The following PTPRM variants were observed in gnomAD, a reference collection of about 807,000 sequenced individuals.
PTPRM encodes receptor-type tyrosine-protein phosphatase mu.
A neutral mutation model predicts 186.7 loss-of-function variants in PTPRM; 47 were observed. That is an observed-to-expected ratio of 0.25 (90% CI 0.20 to 0.32). PTPRM has a LOEUF of 0.32. Ranked by LOEUF, PTPRM falls within the 10% of genes least tolerant of loss-of-function variation. The pLI is 1.00. For missense variants in PTPRM, 1,494 were observed against 1,865.0 expected (o/e 0.80, Z 3.66); for synonymous variants, 668 against 674.9 (o/e 0.99, Z 0.16).
rs193008036 is a variant in PTPRM, at chr18:8,386,083, T to A, written c.4045-989T>A. ...AGGCTGCCCGTGTAACCGGATTGTTTGTGGGTGGGGGGCATTGTGGAGAGA... is the reference window on the plus strand; with the variant it reads ...AGGCTGCCCGTGTAACCGGATTGTTAGTGGGTGGGGGGCATTGTGGAGAGA... On this transcript the variant is annotated intron_variant, in intron 30 of 32. Transcript: ENST00000580170. Among the ~76,000 whole-genome samples the A allele has an allele frequency of 5.9e-5, 9 of 152,154 alleles. No individual in the cohort carries two copies. In the East Asian group the frequency reaches 1.5e-3, roughly 26 times the overall value.
chr18:8,003,325 T>G (rs1341629514), intron 7 of PTPRM, among the ~76,000 whole-genome samples: 1 of 152,194 alleles, frequency 6.6e-6, no homozygotes, highest in South Asian at 2.1e-4. Context: ...CCACCATGAT[T>G]GTGAGGCCTC....
At chr18:8,176,452 T>C (rs2093483462) in intron 14 of PTPRM, among the ~76,000 whole-genome samples, 3 of 152,184 alleles carry the variant, frequency 2.0e-5, no homozygotes, top group Admixed American at 2.0e-4. Context: ...ACACAGACAA[T>C]GTGATTTTCT....
chr18:8,115,035 A>T (rs1342950001), intron 13 of PTPRM, among the ~76,000 whole-genome samples: 1 of 151,704 alleles, frequency 6.6e-6, no homozygotes, highest in Non-Finnish European at 1.5e-5. Flanking sequence ...GATACTTTTT[A>T]AAATAAGAAG....
In PTPRM at chr18:7,568,943, A is replaced by T. The variant is rs2036505325; in HGVS notation, c.73+1052A>T. ...CCTTCTTTCTAGTGTTTATTAGATT[A>T]GTTTCATTAAGGTCCACATGCAGTG... is the stretch of plus-strand genomic sequence containing the variant. On this transcript the variant is annotated intron_variant, in intron 1 of 32. Coordinates refer to ENST00000580170, the MANE Select transcript of PTPRM (RefSeq NM_001105244.2). The surrounding 1 kb of genome is among the most constrained non-coding windows in gnomAD (Gnocchi z 5.1). 6.6e-6 allele frequency among the ~76,000 whole-genome samples: 1 copy of T among 152,090 alleles called. No individual in the cohort carries two copies. The highest frequency in any genetic ancestry group is 6.5e-5 in the Admixed American group (1 of 15,278).
intron 13 of PTPRM, among the ~76,000 whole-genome samples, chr18:8,128,028 C>T (rs953736473): frequency 1.3e-5 from 2 of 152,070 alleles, no homozygotes; most frequent in South Asian, 2.1e-4. Flanking sequence ...CAGTTGCACT[C>T]GAAAACGTAC....
At chr18:8,253,903 C>T (rs775850268) in intron 19 of PTPRM, among the ~76,000 whole-genome samples, 1 of 152,162 alleles carries the variant, frequency 6.6e-6, no homozygotes. Context: ...CTCTTCCCCT[C>T]CCCATCCTGT....
At chr18:7,840,347 A>T (rs79393955) in intron 2 of PTPRM, among the ~76,000 whole-genome samples, 3,620 of 152,304 alleles carry the variant, frequency 0.024, 148 homozygotes, top group African/African-American at 0.083. Flanking sequence ...AAAAAGGTAT[A>T]TGTGTGATTA....
At chr18:7,644,992 T>C (rs967955277) in intron 1 of PTPRM, among the ~76,000 whole-genome samples, 3 of 152,226 alleles carry the variant, frequency 2.0e-5, no homozygotes, top group East Asian at 1.9e-4. Context: ...ATTCAATATA[T>C]GTTTGCTTCA....
rs528163142 is a variant in PTPRM, at chr18:7,721,306, A to G, written c.74-52843A>G. On this transcript the variant is annotated intron_variant, in intron 1 of 32. Coordinates refer to ENST00000580170, the MANE Select transcript of PTPRM (RefSeq NM_001105244.2). ...GAATGTCTATTCAAGTCCTTTGGCT[A>G]TTTTATAATTGGATTTTTTGTTATT... Among the ~76,000 whole-genome samples, 95 of 151,876 alleles carry G rather than the reference A, an allele frequency of 6.3e-4. 1 individual carries two copies. The highest frequency in any genetic ancestry group is 6.8e-3 in the Middle Eastern group (2 of 294).
At chr18:7,839,488 G>T (rs1420840517) in intron 2 of PTPRM, among the ~76,000 whole-genome samples, 1 of 152,178 alleles carries the variant, frequency 6.6e-6, no homozygotes, top group Non-Finnish European at 1.5e-5. Flanking sequence ...TGTCATCTGG[G>T]AGCTAGAAGC....
intron 18 of PTPRM, 129 bp from the exon 19 acceptor site, chr18:8,253,098 C>A: frequency 1.6e-6 from 1 of 632,618 alleles, no homozygotes; most frequent in Non-Finnish European, 2.4e-6. Flanking sequence ...TTCTTTTTTG[C>A]TGAGCCATCG....
intron 7 of PTPRM, among the ~76,000 whole-genome samples, chr18:8,031,105 T>G (rs2148059021): frequency 6.6e-6 from 1 of 152,376 alleles, no homozygotes; most frequent in East Asian, 1.9e-4. Context: ...TTAATATTTA[T>G]TTTTGTCTTT....
intron 1 of PTPRM, among the ~76,000 whole-genome samples, chr18:7,704,105 G>A (rs188628342): frequency 5.3e-5 from 8 of 152,252 alleles, no homozygotes; most frequent in African/African-American, 1.4e-4. Flanking sequence ...TCGCATCGAC[G>A]TTCATCAGGC....
intron 19 of PTPRM, among the ~76,000 whole-genome samples, chr18:8,294,770 C>T (rs2095078047): frequency 6.6e-6 from 1 of 152,138 alleles, no homozygotes; most frequent in Admixed American, 6.5e-5. Flanking sequence ...TTAAGATGAG[C>T]AGATTAAACC....
At chr18:8,243,934 A>G in intron 14 of PTPRM, 124 bp from the exon 15 acceptor site, 1 of 956,366 alleles carries the variant, frequency 1.0e-6, no homozygotes, top group Non-Finnish European at 1.5e-6. Flanking sequence ...GGCACTATAC[A>G]TCCATCTCTG....
At chr18:7,756,156 G>GAGC (rs2041478110) in intron 1 of PTPRM, among the ~76,000 whole-genome samples, 1 of 152,174 alleles carries the variant, frequency 6.6e-6, no homozygotes, top group South Asian at 2.1e-4. Flanking sequence ...TTTGATCTCT[G>GAGC]AGCACCCTTG....
rs58863549 is a variant in PTPRM, at chr18:7,780,932, G to A, written c.196+6661G>A. On this transcript the variant is annotated intron_variant, in intron 2 of 32. Coordinates refer to ENST00000580170, the MANE Select transcript of PTPRM (RefSeq NM_001105244.2). ...TGCTCTGCTGGAGCTAGGGGTGGGA[G>A]TCAGACCACATAGGACCCTGAAAGC... Among the ~76,000 whole-genome samples, 796 of 152,216 alleles carry A rather than the reference G, an allele frequency of 5.2e-3. 27 individuals carry two copies. In the East Asian group the frequency reaches 0.092, roughly 18 times the overall value.
intron 1 of PTPRM, among the ~76,000 whole-genome samples, chr18:7,632,755 G>A (rs1440333276): frequency 6.6e-6 from 1 of 152,208 alleles, no homozygotes; most frequent in African/African-American, 2.4e-5. Flanking sequence ...ATAATGGAGA[G>A]TTAGAATGGT....
At chr18:7,644,823 AC>A (rs1303702480) in intron 1 of PTPRM, among the ~76,000 whole-genome samples, 3 of 152,156 alleles carry the variant, frequency 2.0e-5, no homozygotes, top group African/African-American at 7.2e-5. Flanking sequence ...CTATGGCCAT[AC>A]AGTAGAAGAT....
Sources: allele counts gnomAD v4.1 joint callset (sites outside exome capture counted in the v4.1 genomes callset), GRCh38; gene constraint gnomAD v4.1.1; non-coding constraint Gnocchi (gnomAD v3.1); transcripts MANE v1.5; gene names NCBI Gene and HGNC (gene_info 2026-07-23, HGNC 2026-07-21).